Variants in SHISA9 observed in about 807,000 individuals in gnomAD.
SHISA9 encodes the protein shisa family member 9.
Under a neutral mutation model 38.0 loss-of-function variants are expected in SHISA9, and 13 were observed. The ratio of observed to expected loss-of-function variants is 0.34; its 90% CI spans 0.22 to 0.54. The LOEUF is 0.54. Ranked by LOEUF, SHISA9 falls within the 20% of genes least tolerant of loss-of-function variation. The pLI is 0.91. For synonymous variants in SHISA9, 275 were observed against 242.0 expected, an observed-to-expected ratio of 1.14 and a Z score of -1.27; for missense variants, 538 against 575.8, an observed-to-expected ratio of 0.93 and a Z score of 0.67.
the SHISA9 span, among the ~76,000 whole-genome samples, chr16:13,354,978 A>G: frequency 6.6e-5 from 10 of 150,410 alleles, no homozygotes; most frequent in Non-Finnish European, 1.5e-4. Flanking sequence ...GATGGGTGTC[A>G]GGGTCAGTCC....
chr16:13,394,140 T>C, the SHISA9 span, among the ~76,000 whole-genome samples: 1 of 152,146 alleles, frequency 6.6e-6, no homozygotes, highest in Non-Finnish European at 1.5e-5. Flanking sequence ...CTTCTTGCAT[T>C]TCTACCATCT....
the SHISA9 span, among the ~76,000 whole-genome samples, chr16:13,465,017 C>T: frequency 0.31 from 46,824 of 152,012 alleles, 7,446 homozygotes; most frequent in East Asian, 0.39. Flanking sequence ...ATACCTTTTA[C>T]CAAAGAAAAG....
the SHISA9 span, among the ~76,000 whole-genome samples, chr16:13,476,338 A>C: frequency 6.6e-6 from 1 of 152,124 alleles, no homozygotes; most frequent in Non-Finnish European, 1.5e-5. Flanking sequence ...CCTTCCTGCT[A>C]TATAAACCCC....
At chr16:13,437,205 C>T in the SHISA9 span, among the ~76,000 whole-genome samples, 1 of 150,226 alleles carries the variant, frequency 6.7e-6, no homozygotes, top group Non-Finnish European at 1.5e-5. Flanking sequence ...AGTTTTTACT[C>T]AAAAAAAAAT....
At chr16:13,429,799 A>G in the SHISA9 span, among the ~76,000 whole-genome samples, 3 of 152,238 alleles carry the variant, frequency 2.0e-5, no homozygotes, top group African/African-American at 7.2e-5. Flanking sequence ...CAGATGATGT[A>G]TCAGCATATA....
intron 2 of SHISA9, among the ~76,000 whole-genome samples, chr16:13,142,860 CTG>C (rs2050413363): frequency 2.6e-5 from 4 of 152,072 alleles, no homozygotes; most frequent in Admixed American, 2.6e-4. Flanking sequence ...GCTATAGAGA[CTG>C]TAACAGAGCT....
intron 2 of SHISA9, among the ~76,000 whole-genome samples, chr16:13,172,811 G>A (rs1320753681): frequency 6.6e-6 from 1 of 151,430 alleles, no homozygotes; most frequent in African/African-American, 2.4e-5. Flanking sequence ...GAGGAGGCGG[G>A]ATTGTAATGA....
intron 2 of SHISA9, among the ~76,000 whole-genome samples, chr16:13,004,962 A>AAAAAGAAAGAAAAGAAAAG (rs2072579798): frequency 1.6e-5 from 2 of 127,656 alleles, no homozygotes; most frequent in East Asian, 2.2e-4. Context: ...AAAAAAAGAA[A>AAAAAGAAAGAAAAGAAAAG]AAAAGAAAGA....
intron 4 of SHISA9, among the ~76,000 whole-genome samples, chr16:13,226,187 C>A (rs1428133966): frequency 1.3e-5 from 2 of 152,188 alleles, no homozygotes; most frequent in East Asian, 3.8e-4. Flanking sequence ...GGCTCCAAAC[C>A]AGAGGGGAAC....
At chr16:13,538,632 G>A in the SHISA9 span, among the ~76,000 whole-genome samples, 1 of 152,096 alleles carries the variant, frequency 6.6e-6, no homozygotes, top group East Asian at 1.9e-4. Context: ...ATTCTAATGA[G>A]GAAAAGCAGA....
At chr16:13,497,510 C>T in the SHISA9 span, among the ~76,000 whole-genome samples, 1 of 151,670 alleles carries the variant, frequency 6.6e-6, no homozygotes, top group Non-Finnish European at 1.5e-5. Flanking sequence ...ATGGTGAAAC[C>T]CCATCTCTAC....
chr16:13,316,924 C>A, the SHISA9 span, among the ~76,000 whole-genome samples: 1 of 152,212 alleles, frequency 6.6e-6, no homozygotes, highest in African/African-American at 2.4e-5. Flanking sequence ...CCTCCTGCAA[C>A]CTGCAAGTCA....
the SHISA9 span, among the ~76,000 whole-genome samples, chr16:13,322,126 A>C: frequency 6.6e-6 from 1 of 152,240 alleles, no homozygotes; most frequent in Admixed American, 6.5e-5. Flanking sequence ...TACGTAGTAT[A>C]TTATCTCTAT....
the SHISA9 span, among the ~76,000 whole-genome samples, chr16:13,558,758 A>G: frequency 6.6e-6 from 1 of 152,226 alleles, no homozygotes; most frequent in Non-Finnish European, 1.5e-5. Flanking sequence ...TGTGACAAAT[A>G]TGGCACTAAA....
intron 2 of SHISA9, among the ~76,000 whole-genome samples, chr16:13,085,786 A>T (rs57933685): frequency 0.033 from 5,052 of 152,286 alleles, 279 homozygotes; most frequent in African/African-American, 0.12. Flanking sequence ...TTTACAGAAT[A>T]AAGGAACCTC....
intron 2 of SHISA9, among the ~76,000 whole-genome samples, chr16:13,025,894 C>A (rs1321781204): frequency 1.3e-5 from 2 of 152,122 alleles, no homozygotes; most frequent in Non-Finnish European, 2.9e-5. Context: ...CAACCTCCAC[C>A]TCCCAGGTTC....
chr16:13,547,531 A>G, the SHISA9 span, among the ~76,000 whole-genome samples: 43 of 152,310 alleles, frequency 2.8e-4, no homozygotes, highest in African/African-American at 1.0e-3. Flanking sequence ...ATGGCAGAAG[A>G]TGTATATCCT....
At chr16:13,316,763 C>T in the SHISA9 span, among the ~76,000 whole-genome samples, 2 of 152,198 alleles carry the variant, frequency 1.3e-5, no homozygotes, top group South Asian at 4.2e-4. Context: ...TCATTTGATC[C>T]TCCCATTGAC....
chr16:13,302,986 C>T, the SHISA9 span, among the ~76,000 whole-genome samples: 4 of 152,160 alleles, frequency 2.6e-5, no homozygotes, highest in East Asian at 1.9e-4. Context: ...CCCAGCCATG[C>T]GAAACTGTGA....
Sources: allele counts gnomAD v4.1 joint callset (sites outside exome capture counted in the v4.1 genomes callset), GRCh38; gene constraint gnomAD v4.1.1; transcripts MANE v1.5; gene names NCBI Gene and HGNC (gene_info 2026-07-23, HGNC 2026-07-21).